Variants in CHSY3 observed in about 807,000 individuals in gnomAD.
CHSY3 encodes the protein chondroitin sulfate synthase 3, also known as N-acetylgalactosaminyl-proteoglycan 3-beta-glucuronosyltransferase 3.
CHSY3 carries 35 observed loss-of-function variants against 67.2 expected under a neutral mutation model. The ratio of observed to expected loss-of-function variants is 0.52; its 90% CI spans 0.40 to 0.69. The LOEUF (loss-of-function observed/expected upper bound fraction) is 0.69, where lower values mean the gene tolerates loss of function less well. CHSY3 is among the 30% of genes least tolerant of loss of function. CHSY3 has a pLI of 0.00. For synonymous variants in CHSY3, 474 were observed against 434.7 expected, an observed-to-expected ratio of 1.09 and a Z score of -1.12; for missense variants, 1,069 against 1,138.5, an observed-to-expected ratio of 0.94 and a Z score of 0.88.
At chr5:130,085,153 G>A (rs1167527820) in intron 2 of CHSY3, among the ~76,000 whole-genome samples, 1 of 151,934 alleles carries the variant, frequency 6.6e-6, no homozygotes. Flanking sequence ...GTAGTTTAGA[G>A]GATTAGGGTT....
chr5:130,060,746 T>A (rs1765685271), intron 2 of CHSY3, among the ~76,000 whole-genome samples: 1 of 152,092 alleles, frequency 6.6e-6, no homozygotes, highest in South Asian at 2.1e-4. Flanking sequence ...CAGAAATCAG[T>A]AGCATTTCCA....
intron 2 of CHSY3, among the ~76,000 whole-genome samples, chr5:130,069,252 A>C (rs9285916): frequency 0.023 from 3,435 of 151,998 alleles, 128 homozygotes; most frequent in African/African-American, 0.076. Context: ...AAGCTATAAG[A>C]CTATGTAAAC....
At chr5:130,129,470 T>A (rs556785985) in intron 2 of CHSY3, among the ~76,000 whole-genome samples, 34 of 152,286 alleles carry the variant, frequency 2.2e-4, no homozygotes, top group South Asian at 6.2e-4. Context: ...AATTAATTTA[T>A]AACACACAAG....
At chr5:130,010,162 A>C (rs2149646138) in intron 2 of CHSY3, among the ~76,000 whole-genome samples, 1 of 152,250 alleles carries the variant, frequency 6.6e-6, no homozygotes, top group East Asian at 1.9e-4. Context: ...CATTCCATCC[A>C]ACAAAAAGAG....
chr5:129,957,303 G>A (rs1042633268), intron 2 of CHSY3, among the ~76,000 whole-genome samples: 3 of 151,934 alleles, frequency 2.0e-5, no homozygotes, highest in Admixed American at 1.3e-4. Context: ...AGTGATTTTT[G>A]TATGTTGATT....
At chr5:129,981,608 T>A (rs1426720783) in intron 2 of CHSY3, among the ~76,000 whole-genome samples, 1 of 152,134 alleles carries the variant, frequency 6.6e-6, no homozygotes, top group Non-Finnish European at 1.5e-5. Context: ...ACCCTCGGAC[T>A]CCTGGGCTCA....
At chr5:129,920,097 C>A (rs905633582) in intron 2 of CHSY3, among the ~76,000 whole-genome samples, 5 of 152,134 alleles carry the variant, frequency 3.3e-5, no homozygotes, top group Non-Finnish European at 5.9e-5. Flanking sequence ...TGATTGTCAT[C>A]CCCCTATTTA....
At chr5:130,126,646 T>C (rs1031979891) in intron 2 of CHSY3, among the ~76,000 whole-genome samples, 2 of 152,178 alleles carry the variant, frequency 1.3e-5, no homozygotes, top group Non-Finnish European at 2.9e-5. Flanking sequence ...ATGTTGATCT[T>C]ATAATTTTAT....
chr5:130,086,542 C>G (rs945426546), intron 2 of CHSY3, among the ~76,000 whole-genome samples: 3 of 151,734 alleles, frequency 2.0e-5, no homozygotes, highest in African/African-American at 7.3e-5. Flanking sequence ...CAGCACACCA[C>G]CAATCCCACA....
Position 130,184,446 on chromosome 5 carries a change from G to A in CHSY3, c.1304G>A (p.Ser435Asn), listed in dbSNP as rs773393237. 1 of 1,613,490 alleles carries A rather than the reference G, an allele frequency of 6.2e-7. No individual in the cohort carries two copies. The highest frequency in any genetic ancestry group is 8.5e-7 in the Non-Finnish European group (1 of 1,179,438). The part of the protein sequence containing the change: ...HRESALMSKL[S>N]NTEVSKEDQQ... ...GAAAGTGCCCTGATGAGCAAGCTCAGTAACACAGAAGTGAGCAAAGAGGAC... is the reference window on the plus strand; with the variant it reads ...GAAAGTGCCCTGATGAGCAAGCTCAATAACACAGAAGTGAGCAAAGAGGAC... The change falls in exon 3 of 3, where the codon AGT (serine) becomes AAT (asparagine). Residue 435 changes from serine to asparagine, a missense_variant. Ser to Asn is a conservative substitution (Grantham distance 46, BLOSUM62 1). This residue lies in a region of CHSY3 where 401 missense variants were observed against 395.2 expected (regional missense o/e 1.01). Coordinates refer to ENST00000305031, the MANE Select transcript of CHSY3 (RefSeq NM_175856.5).
At chr5:129,942,537 A>C (rs1011150213) in intron 2 of CHSY3, among the ~76,000 whole-genome samples, 1 of 152,208 alleles carries the variant, frequency 6.6e-6, no homozygotes, top group African/African-American at 2.4e-5. Flanking sequence ...GAATGAAAGA[A>C]GAGATTTATA....
chr5:129,979,199 C>CAAAAAAAAAAAAAAA (rs58584381), intron 2 of CHSY3, among the ~76,000 whole-genome samples: 61 of 62,514 alleles, frequency 9.8e-4, no homozygotes, highest in South Asian at 2.6e-3. Context: ...GACTCCGTCT[C>CAAAAAAAAAAAAAAA]AAAAAAAAAA....
chr5:130,020,441 ATATATATATATATATATATATTT>A (rs1473065147), intron 2 of CHSY3, among the ~76,000 whole-genome samples: 987 of 13,192 alleles, frequency 0.075, 49 homozygotes, highest in African/African-American at 0.22. Flanking sequence ...ATATATATAT[ATATATATATATATATATATATTT>A]TTTTTTTTTT....
intron 2 of CHSY3, among the ~76,000 whole-genome samples, chr5:130,015,462 G>A (rs1764192782): frequency 6.6e-6 from 1 of 152,058 alleles, no homozygotes; most frequent in Non-Finnish European, 1.5e-5. Flanking sequence ...GACATACACA[G>A]GGTCAACAAA....
chr5:129,924,643 T>TAA (rs34873764), intron 2 of CHSY3, among the ~76,000 whole-genome samples: 24 of 136,852 alleles, frequency 1.8e-4, no homozygotes, highest in Admixed American at 8.0e-4. Flanking sequence ...AGACTCCCTC[T>TAA]AAAAAAAAAA....
chr5:129,942,173 A>G (rs2077158365), intron 2 of CHSY3, among the ~76,000 whole-genome samples: 1 of 152,134 alleles, frequency 6.6e-6, no homozygotes, highest in Admixed American at 6.6e-5. Context: ...AAAGGAGGGC[A>G]GGAGAGAGAT....
chr5:130,109,592 A>T (rs1767527421), intron 2 of CHSY3, among the ~76,000 whole-genome samples: 1 of 151,778 alleles, frequency 6.6e-6, no homozygotes, highest in South Asian at 2.1e-4. Flanking sequence ...GAGTTCTAGT[A>T]TTTTTCTCAT....
chr5:129,981,609 C>A (rs1192824993), intron 2 of CHSY3, among the ~76,000 whole-genome samples: 1 of 152,128 alleles, frequency 6.6e-6, no homozygotes, highest in East Asian at 1.9e-4. Flanking sequence ...CCCTCGGACT[C>A]CTGGGCTCAA....
intron 2 of CHSY3, among the ~76,000 whole-genome samples, chr5:129,985,054 T>G (rs902775304): frequency 6.6e-6 from 1 of 152,224 alleles, no homozygotes; most frequent in Non-Finnish European, 1.5e-5. Context: ...TTTTTGGTTT[T>G]GTTACAATTG....
Sources: gnomAD v4.1 joint callset for allele counts (sites outside exome capture counted in the v4.1 genomes callset) on GRCh38, gnomAD v4.1.1 for gene constraint, gnomAD v4.1.1 regional missense constraint, MANE v1.5 for transcripts, NCBI Gene and HGNC (gene_info 2026-07-23, HGNC 2026-07-21) for gene names.